The following ABR variants were observed in gnomAD, a reference collection of about 807,000 sequenced individuals.
ABR encodes ABR activator of RhoGEF and GTPase.
Under a neutral mutation model 107.2 loss-of-function variants are expected in ABR, and 35 were observed. The observed-to-expected ratio is 0.33, with a 90% CI of 0.25 to 0.43. The LOEUF (loss-of-function observed/expected upper bound fraction) is 0.43, where lower values mean the gene tolerates loss of function less well. Ranked by LOEUF, ABR falls within the 20% of genes least tolerant of loss-of-function variation. The pLI, the probability that ABR is intolerant of heterozygous loss-of-function variation, is 1.00. For missense variants in ABR, 815 were observed against 1,115.2 expected, an observed-to-expected ratio of 0.73 and a Z score of 3.83; for synonymous variants, 498 against 462.0, an observed-to-expected ratio of 1.08 and a Z score of -1.00.
chr17:1,011,651 C>T lies in ABR; in HGVS notation c.2101+195G>A, dbSNP rs1038719892. ...GTGAGTCGGCCCTTGTGAGTTTCTG[C>T]AGTTGCTTACCTGCAGCAAGGGACA... is the stretch of plus-strand genomic sequence containing the variant. On this transcript the variant is annotated intron_variant, in intron 19 of 22. Transcript: ENST00000302538. This position sits in a 1 kb window ranked among gnomAD's most constrained non-coding sequence, Gnocchi z 4.8. 9 of 558,630 alleles carry T rather than the reference C, an allele frequency of 1.6e-5. No individual in the cohort carries two copies. The African/African-American group carries it at 1.7e-4, about 11-fold the overall frequency. The allele number at this position is 558,630 out of a possible 1,614,324, so 34.6% of individuals were successfully genotyped here. A position where few individuals can be genotyped will look rare whatever the true frequency, so the allele number is the denominator to read the frequency against.
chr17:1,225,250 A>G (rs2043193357), intron 1 of ABR, among the ~76,000 whole-genome samples: 2 of 152,036 alleles, frequency 1.3e-5, no homozygotes. Context: ...CTCCCACCTC[A>G]GCCTCCCAAA....
chr17:1,197,127 G>A (rs986043563), intron 1 of ABR, among the ~76,000 whole-genome samples: 3 of 151,568 alleles, frequency 2.0e-5, no homozygotes, highest in Non-Finnish European at 2.9e-5. Context: ...GGATCTCGGG[G>A]GCATCTCTTT....
chr17:1,088,505 G>A (rs2036784260), intron 4 of ABR, among the ~76,000 whole-genome samples: 1 of 150,934 alleles, frequency 6.6e-6, no homozygotes, highest in Non-Finnish European at 1.5e-5. Flanking sequence ...TGGCACTGAT[G>A]ATAATGACCA....
intron 7 of ABR, among the ~76,000 whole-genome samples, chr17:1,073,424 C>T (rs904716191): frequency 4.6e-5 from 7 of 152,076 alleles, no homozygotes; most frequent in Admixed American, 3.9e-4. Context: ...CACCTGGCCA[C>T]GTCAAGCTTA....
chr17:1,079,773 G>GA (rs2036065286), intron 5 of ABR, among the ~76,000 whole-genome samples: 1 of 120,530 alleles, frequency 8.3e-6, no homozygotes, highest in Non-Finnish European at 1.7e-5. Flanking sequence ...TGGGCAACAG[G>GA]GCGAGACTCT....
intron 3 of ABR, among the ~76,000 whole-genome samples, chr17:1,099,457 C>T (rs1001301088): frequency 2.0e-5 from 3 of 152,148 alleles, no homozygotes; most frequent in Admixed American, 6.5e-5. Flanking sequence ...TCAGGGTTGA[C>T]GTGTGACAAC....
intron 2 of ABR, among the ~76,000 whole-genome samples, chr17:1,111,490 C>T (rs1208560427): frequency 6.6e-6 from 1 of 150,722 alleles, no homozygotes; most frequent in Non-Finnish European, 1.5e-5. Context: ...TGGACCTGAG[C>T]TCCACACTCC....
chr17:1,132,381 T>C (rs1350610891), intron 1 of ABR, among the ~76,000 whole-genome samples: 4 of 42,732 alleles, frequency 9.4e-5, no homozygotes, highest in Non-Finnish European at 2.4e-4. Flanking sequence ...AAAGCACTTT[T>C]TTTTTTTTTT....
chr17:1,082,335 AG>A (rs2036289951), intron 5 of ABR, among the ~76,000 whole-genome samples: 1 of 152,146 alleles, frequency 6.6e-6, no homozygotes, highest in African/African-American at 2.4e-5. Flanking sequence ...GCCACCTCTT[AG>A]GTAGAAATGT....
At chr17:1,098,775 C>T (rs1444850157) in intron 3 of ABR, among the ~76,000 whole-genome samples, 1 of 152,182 alleles carries the variant, frequency 6.6e-6, no homozygotes, top group Non-Finnish European at 1.5e-5. Flanking sequence ...GGGACGTACT[C>T]AGCCTGGCGT....
At chr17:1,100,795 G>A (rs2037809745) in intron 2 of ABR, 60 bp from the exon 3 acceptor site, 1 of 1,527,064 alleles carries the variant, frequency 6.5e-7, no homozygotes, top group Non-Finnish European at 9.1e-7. Flanking sequence ...ACCCTGCGTG[G>A]ACGGTCTGCT....
intron 16 of ABR, among the ~76,000 whole-genome samples, chr17:1,044,300 T>G (rs1292927603): frequency 7.2e-5 from 11 of 152,220 alleles, no homozygotes; most frequent in Non-Finnish European, 1.5e-4. Context: ...TCGCTCACCC[T>G]TGCTGGTGTC....
chr17:1,113,575 C>T lies in ABR; in HGVS notation c.246+11608G>A, dbSNP rs991060688. Among the ~76,000 whole-genome samples, 5 of 152,182 alleles carry T rather than the reference C, an allele frequency of 3.3e-5. No homozygotes were observed. The East Asian group carries it at 7.8e-4, about 24-fold the overall frequency. On this transcript the variant is annotated intron_variant, in intron 2 of 22. Transcript: ENST00000302538. Reference sequence around the variant, plus strand: ...GGGCTGGGATTACAGGTGTGAGACACGGCACCTGGCCCACTGCTTATTTTT... The same window carrying T: ...GGGCTGGGATTACAGGTGTGAGACATGGCACCTGGCCCACTGCTTATTTTT...
chr17:1,162,889 T>C (rs920936757), intron 1 of ABR, among the ~76,000 whole-genome samples: 1 of 152,170 alleles, frequency 6.6e-6, no homozygotes, highest in African/African-American at 2.4e-5. Flanking sequence ...CTGGCCAACA[T>C]GGTGAAACCC....
In ABR at chr17:1,078,875, C is replaced by CGCG; in HGVS notation, c.700+452_700+454dup. ...GAATCTCCATGGCAGCCTCTGTCCC[C>CGCG]GCGGCGGGAGCGTGCAGCCATCGCT... On this transcript the variant is annotated intron_variant, in intron 6 of 22. Coordinates refer to ENST00000302538, the MANE Select transcript of ABR (RefSeq NM_021962.5). The surrounding 1 kb of genome is among the most constrained non-coding windows in gnomAD (Gnocchi z 7.5). 2 of 1,535,532 alleles carry CGCG rather than the reference C, an allele frequency of 1.3e-6. No individual in the cohort carries two copies. Among genetic ancestry groups the CGCG allele is most frequent in the East Asian group, 4.9e-5 (2 of 40,896 alleles).
intron 16 of ABR, among the ~76,000 whole-genome samples, chr17:1,049,052 T>C (rs1293037169): frequency 2.6e-5 from 4 of 152,186 alleles, no homozygotes; most frequent in African/African-American, 7.2e-5. Flanking sequence ...TCTTAATAGG[T>C]TGGTGAATAG....
chr17:1,008,816 TC>T (rs1233421129), intron 21 of ABR, among the ~76,000 whole-genome samples: 1 of 152,094 alleles, frequency 6.6e-6, no homozygotes, highest in African/African-American at 2.4e-5. Flanking sequence ...AGGGACCACC[TC>T]CCCACGCAAG....
intron 1 of ABR, among the ~76,000 whole-genome samples, chr17:1,152,349 G>A (rs1348679304): frequency 6.6e-6 from 1 of 151,636 alleles, no homozygotes; most frequent in Admixed American, 6.6e-5. Context: ...CAGCACTTTG[G>A]GAGGCTGAGG....
intron 1 of ABR, chr17:1,125,588 G>C: frequency 2.6e-6 from 1 of 378,172 alleles, no homozygotes; most frequent in Non-Finnish European, 4.6e-6. Flanking sequence ...CTGGGAGGCG[G>C]GGAGGAGCGG....
Sources: allele counts gnomAD v4.1 joint callset (sites outside exome capture counted in the v4.1 genomes callset), GRCh38; gene constraint gnomAD v4.1.1; non-coding constraint Gnocchi (gnomAD v3.1); transcripts MANE v1.5; gene names NCBI Gene and HGNC (gene_info 2026-07-23, HGNC 2026-07-21).